The following SPAG16 variants were observed in gnomAD, a reference collection of about 807,000 sequenced individuals.
SPAG16 encodes sperm associated antigen 16.
In SPAG16, 86 loss-of-function variants were observed where a neutral mutation model predicts 80.4. That is an observed-to-expected ratio of 1.07 (90% CI 0.90 to 1.28). The LOEUF is 1.28. Ranked by LOEUF, SPAG16 falls within the 50% of genes most tolerant of loss-of-function variation. The pLI, the probability that SPAG16 is intolerant of heterozygous loss-of-function variation, is 0.00. For missense variants in SPAG16, 870 were observed against 765.3 expected (o/e 1.14, Z -1.61); for synonymous variants, 294 against 265.9 (o/e 1.11, Z -1.03).
At chr2:213,851,036 C>G (rs2074878082) in intron 10 of SPAG16, among the ~76,000 whole-genome samples, 1 of 152,036 alleles carries the variant, frequency 6.6e-6, no homozygotes, top group Non-Finnish European at 1.5e-5. Context: ...AACCTGAAGA[C>G]TTTTCCTAGA....
chr2:213,346,532 T>C (rs556381695), intron 6 of SPAG16, among the ~76,000 whole-genome samples: 1 of 152,188 alleles, frequency 6.6e-6, no homozygotes, highest in African/African-American at 2.4e-5. Flanking sequence ...CATAGATAGC[T>C]CTTATTATTT....
intron 15 of SPAG16, among the ~76,000 whole-genome samples, chr2:214,316,715 A>AT (rs1170701989): frequency 6.6e-6 from 1 of 152,104 alleles, no homozygotes; most frequent in Admixed American, 6.6e-5. Flanking sequence ...GTTTTCTTCA[A>AT]TTTTTTATCT....
chr2:213,446,785 G>A (rs1478487009), intron 9 of SPAG16, among the ~76,000 whole-genome samples: 2 of 152,172 alleles, frequency 1.3e-5, no homozygotes, highest in African/African-American at 4.8e-5. Flanking sequence ...TCAACCAGGA[G>A]AGGAAGGCAC....
At chr2:214,298,009 T>G (rs1446901017) in intron 15 of SPAG16, among the ~76,000 whole-genome samples, 1 of 151,028 alleles carries the variant, frequency 6.6e-6, no homozygotes, top group Non-Finnish European at 1.5e-5. Flanking sequence ...CATCTGCAAT[T>G]TCTTTAATCA....
chr2:213,802,847 C>T (rs2071505094), intron 10 of SPAG16, among the ~76,000 whole-genome samples: 1 of 149,978 alleles, frequency 6.7e-6, no homozygotes, highest in South Asian at 2.1e-4. Flanking sequence ...TTATCACTTC[C>T]AGAAAAAAAA....
At chr2:213,830,009 CT>C (rs1049400731) in intron 10 of SPAG16, among the ~76,000 whole-genome samples, 4 of 152,170 alleles carry the variant, frequency 2.6e-5, no homozygotes, top group Non-Finnish European at 5.9e-5. Context: ...GCCACCATGG[CT>C]TGTGTCTTTA....
In SPAG16 at chr2:213,284,502, A is replaced by C. The variant is rs766651649; in HGVS notation, c.19A>C (p.Met7Leu). Residue 7 changes from methionine to leucine, a missense_variant, in exon 1 of 16, where the codon ATG (methionine) becomes CTG (leucine). Coordinates refer to ENST00000331683, the MANE Select transcript of SPAG16 (RefSeq NM_024532.5). MAAQRG[M>L]PSSAVRVLEE... is the part of the protein sequence containing the mutation. ...GCCAGAGATGGCTGCTCAGCGAGGG[A>C]TGCCCAGCTCCGCCGTGAGGGTCCT... The C allele has an allele frequency of 3.2e-6, 5 of 1,574,914 alleles. No homozygotes were observed. Among genetic ancestry groups the C allele is most frequent in the Non-Finnish European group, 3.4e-6 (4 of 1,160,528 alleles).
At chr2:214,400,052 C>T (rs561072234) in intron 15 of SPAG16, among the ~76,000 whole-genome samples, 138 of 152,066 alleles carry the variant, frequency 9.1e-4, no homozygotes, top group Non-Finnish European at 1.6e-3. Context: ...ATTTTTAGGA[C>T]TTTAGGTGCA....
intron 13 of SPAG16, among the ~76,000 whole-genome samples, chr2:214,085,255 C>A (rs2051646565): frequency 1.3e-5 from 2 of 151,718 alleles, no homozygotes. Context: ...TCCTGTAGTC[C>A]CAGCTGCTCG....
intron 15 of SPAG16, among the ~76,000 whole-genome samples, chr2:214,156,972 G>C (rs1448492618): frequency 6.6e-6 from 1 of 152,120 alleles, no homozygotes; most frequent in African/African-American, 2.4e-5. Flanking sequence ...AGAGAGAAAA[G>C]GTGACCAGGT....
chr2:213,335,762 A>G (rs941024440), intron 5 of SPAG16, among the ~76,000 whole-genome samples: 25 of 152,166 alleles, frequency 1.6e-4, no homozygotes, highest in African/African-American at 2.4e-5. Context: ...AAAGTTCACC[A>G]TGAGTATTGT....
intron 15 of SPAG16, among the ~76,000 whole-genome samples, chr2:214,257,969 A>G (rs1033432970): frequency 6.6e-6 from 1 of 152,184 alleles, no homozygotes; most frequent in African/African-American, 2.4e-5. Context: ...TTGATAACAA[A>G]TGAATATATA....
intron 11 of SPAG16, among the ~76,000 whole-genome samples, chr2:213,901,145 C>T (rs1032048149): frequency 2.0e-5 from 3 of 151,990 alleles, no homozygotes; most frequent in Non-Finnish European, 2.9e-5. Flanking sequence ...ATTTAAAATG[C>T]ATGTAATATG....
At chr2:214,348,359 A>G (rs896326959) in intron 15 of SPAG16, among the ~76,000 whole-genome samples, 1 of 152,256 alleles carries the variant, frequency 6.6e-6, no homozygotes, top group South Asian at 2.1e-4. Context: ...GGCTCTGACA[A>G]TTTTTTGACA....
At position 213,519,180 on chromosome 2, in the gene SPAG16, GCTATAAAACCAAAAAAT is replaced by G. The variant is rs574189584; in HGVS notation, c.1070+29092_1070+29108del. On this transcript the variant is annotated intron_variant, in intron 10 of 15. Transcript: ENST00000331683. ...TGCCCTCTGTATCTAAAAAAAGGTAGCTATAAAACCAAAAAATCATTTCTGAAATGCTGAATAGAAAC... is the reference window on the plus strand; with the variant it reads ...TGCCCTCTGTATCTAAAAAAAGGTAGCATTTCTGAAATGCTGAATAGAAAC... Among the ~76,000 whole-genome samples, 327 of 152,228 alleles carry G rather than the reference GCTATAAAACCAAAAAAT, an allele frequency of 2.1e-3. 2 individuals carry two copies. The highest frequency in any genetic ancestry group is 7.5e-3 in the African/African-American group (310 of 41,542).
chr2:213,661,306 A>T (rs1247558670), intron 10 of SPAG16, among the ~76,000 whole-genome samples: 1 of 152,242 alleles, frequency 6.6e-6, no homozygotes, highest in African/African-American at 2.4e-5. Flanking sequence ...TAATGATATT[A>T]TAGATTGCTT....
intron 11 of SPAG16, among the ~76,000 whole-genome samples, chr2:213,913,589 ATATATGTATATGTACATGTACATATATG>A (rs2077789476): frequency 2.7e-4 from 2 of 7,484 alleles, no homozygotes; most frequent in Admixed American, 2.1e-3. Flanking sequence ...GTACATGTAC[ATATATGTATATGTACATGTACATATATG>A]TATATGTACA....
intron 15 of SPAG16, among the ~76,000 whole-genome samples, chr2:214,368,499 A>C (rs1699620688): frequency 6.6e-6 from 1 of 152,032 alleles, no homozygotes; most frequent in Admixed American, 6.6e-5. Context: ...GTTCTATTTC[A>C]TCCTACCTCA....
intron 15 of SPAG16, among the ~76,000 whole-genome samples, chr2:214,391,131 C>T (rs1701057364): frequency 6.6e-6 from 1 of 152,080 alleles, no homozygotes; most frequent in Non-Finnish European, 1.5e-5. Context: ...ACACTGAACC[C>T]AAACATACTG....
Sources: allele counts gnomAD v4.1 joint callset (sites outside exome capture counted in the v4.1 genomes callset), GRCh38; gene constraint gnomAD v4.1.1; transcripts MANE v1.5; gene names NCBI Gene and HGNC (gene_info 2026-07-23, HGNC 2026-07-21).